Variants in TANC2 observed in about 807,000 individuals in gnomAD.
TANC2 encodes the protein tetratricopeptide repeat, ankyrin repeat and coiled-coil containing 2.
A neutral mutation model predicts 210.5 loss-of-function variants in TANC2; 26 were observed. The observed-to-expected ratio is 0.12, with a 90% CI of 0.09 to 0.17. The LOEUF (loss-of-function observed/expected upper bound fraction) is 0.17. Among genes scored for constraint, TANC2 ranks in the 10% least tolerant of loss-of-function variants. The pLI, the probability that TANC2 is intolerant of heterozygous loss-of-function variation, is 1.00. For missense variants in TANC2, 2,129 were observed against 2,608.9 expected (o/e 0.82, Z 4.01); for synonymous variants, 931 against 967.1 (o/e 0.96, Z 0.69).
At chr17:63,016,870 C>T (rs2034133128) in intron 2 of TANC2, among the ~76,000 whole-genome samples, 1 of 151,946 alleles carries the variant, frequency 6.6e-6, no homozygotes, top group Non-Finnish European at 1.5e-5. Context: ...TGTTCTAGTC[C>T]CTTACCTATT....
At chr17:63,175,200 G>C (rs917621607) in intron 5 of TANC2, among the ~76,000 whole-genome samples, 2 of 152,068 alleles carry the variant, frequency 1.3e-5, no homozygotes, top group African/African-American at 4.8e-5. Context: ...AAAGTTAAAG[G>C]ACTTATTTTT....
At chr17:63,139,870 C>T (rs2039224286) in intron 4 of TANC2, among the ~76,000 whole-genome samples, 1 of 152,186 alleles carries the variant, frequency 6.6e-6, no homozygotes, top group African/African-American at 2.4e-5. Context: ...CACTACTGCA[C>T]TTCAGCCAGG....
At chr17:63,405,458 G>T (rs1039823712) in intron 20 of TANC2, among the ~76,000 whole-genome samples, 2 of 152,232 alleles carry the variant, frequency 1.3e-5, no homozygotes, top group South Asian at 4.1e-4. Context: ...GATACAGATT[G>T]TATAGAAGGA....
At chr17:63,086,986 C>CG (rs2036993235) in intron 3 of TANC2, among the ~76,000 whole-genome samples, 1 of 152,206 alleles carries the variant, frequency 6.6e-6, no homozygotes, top group African/African-American at 2.4e-5. Context: ...CAGCCTGCAG[C>CG]GGCAACTCAC....
At chr17:63,116,927 A>T (rs146260627) in intron 4 of TANC2, 2 of 152,212 alleles carry the variant, frequency 1.3e-5, no homozygotes, top group African/African-American at 4.8e-5. Flanking sequence ...GTTGGTGCCT[A>T]CTAAGTAACT....
chr17:63,420,216 G>C lies in TANC2; in HGVS notation c.4486G>C (p.Glu1496Gln). ...CATATACTCTGTACAGGATATATTC[G>C]AGGAGGAGTACCTGGAACAGGATGT... The change falls in exon 28 of 28, where the codon GAG becomes CAG. Residue 1496 changes from glutamate to glutamine, a missense_variant. Physicochemically the swap from Glu to Gln is conservative, Grantham distance 29. Transcript: ENST00000689528. The surrounding 1 kb of genome is among the most constrained non-coding windows in gnomAD (Gnocchi z 4.2). 2 of 1,609,758 alleles carry C rather than the reference G, an allele frequency of 1.2e-6. No individual in the cohort carries two copies. Among genetic ancestry groups the C allele is most frequent in the South Asian group, 2.2e-5 (2 of 90,370 alleles).
At chr17:63,378,993 A>G (rs557579167) in intron 14 of TANC2, among the ~76,000 whole-genome samples, 21 of 152,314 alleles carry the variant, frequency 1.4e-4, no homozygotes, top group Middle Eastern at 6.8e-3. Context: ...CTAAATAAAG[A>G]AAAAGATACA....
chr17:63,356,783 A>G (rs2046793883), intron 14 of TANC2, among the ~76,000 whole-genome samples: 2 of 152,360 alleles, frequency 1.3e-5, no homozygotes, highest in African/African-American at 2.4e-5. Context: ...TCTTATCTAC[A>G]TAAGAGCAAT....
chr17:63,073,203 A>G (rs972714608), intron 2 of TANC2, among the ~76,000 whole-genome samples: 1 of 152,076 alleles, frequency 6.6e-6, no homozygotes, highest in African/African-American at 2.4e-5. Flanking sequence ...TATACTTTAC[A>G]TTCTTAATAT....
In TANC2 at chr17:63,200,723, T is replaced by C. The variant is rs776911277; in HGVS notation, c.583-48T>C. On this transcript the variant is annotated intron_variant, in intron 6 of 27. Coordinates refer to ENST00000689528, the Ensembl canonical transcript of TANC2. ...ATTTATTTTATCTTAAAATATACTT[T>C]AACAGCTGATCAGGTTATCTTACTT... is the stretch of plus-strand genomic sequence containing the variant. The C allele has an allele frequency of 6.7e-6, 10 of 1,501,098 alleles. No homozygotes were observed. In the Admixed American group the frequency reaches 1.8e-4, roughly 27 times the overall value. The allele number at this position is 1,501,098 out of a possible 1,614,324, so 93.0% of individuals were successfully genotyped here.
chr17:63,137,024 G>C (rs989728980), intron 4 of TANC2, among the ~76,000 whole-genome samples: 3 of 152,174 alleles, frequency 2.0e-5, no homozygotes, highest in African/African-American at 4.8e-5. Flanking sequence ...GAGACTCCAC[G>C]AGGCTAAAGA....
chr17:63,267,299 C>G (rs1261427383), intron 8 of TANC2, among the ~76,000 whole-genome samples: 1 of 152,096 alleles, frequency 6.6e-6, no homozygotes, highest in East Asian at 1.9e-4. Context: ...TTGTTACTGT[C>G]TCTGCAGCTT....
exon 28 of TANC2, chr17:63,423,290 TAGAC>T (rs1332599464): frequency 6.6e-6 from 1 of 152,178 alleles, no homozygotes; most frequent in African/African-American, 2.4e-5. Context: ...GGGCATGAGA[TAGAC>T]AGCAAGCTTC....
chr17:63,041,148 T>C (rs1185608971), intron 2 of TANC2, among the ~76,000 whole-genome samples: 1 of 152,070 alleles, frequency 6.6e-6, no homozygotes, highest in Non-Finnish European at 1.5e-5. Flanking sequence ...CAGAAACTCC[T>C]TTTTTATAGC....
intron 3 of TANC2, among the ~76,000 whole-genome samples, chr17:63,078,047 G>A (rs1020447918): frequency 6.6e-6 from 1 of 152,088 alleles, no homozygotes; most frequent in Non-Finnish European, 1.5e-5. Flanking sequence ...TTCAACTTCA[G>A]TTTCCTCCTC....
At chr17:63,377,591 A>G (rs755627828) in intron 14 of TANC2, among the ~76,000 whole-genome samples, 1 of 152,170 alleles carries the variant, frequency 6.6e-6, no homozygotes, top group Non-Finnish European at 1.5e-5. Flanking sequence ...ATTTTGGTCA[A>G]AGCCATTCAA....
At chr17:63,025,360 G>A (rs886987924) in intron 2 of TANC2, among the ~76,000 whole-genome samples, 3 of 152,128 alleles carry the variant, frequency 2.0e-5, no homozygotes, top group African/African-American at 4.8e-5. Context: ...GGTTGTGGAC[G>A]CCTTCTTCAT....
At chr17:63,379,462 G>A (rs1414649975) in intron 14 of TANC2, among the ~76,000 whole-genome samples, 1 of 152,160 alleles carries the variant, frequency 6.6e-6, no homozygotes, top group African/African-American at 2.4e-5. Context: ...CTGAGGTCAG[G>A]AGTTCGAGAC....
chr17:63,385,354 G>A (rs922821759), intron 15 of TANC2, among the ~76,000 whole-genome samples: 7 of 152,166 alleles, frequency 4.6e-5, no homozygotes, highest in African/African-American at 1.7e-4. Flanking sequence ...AGGAGATTGA[G>A]GCCCAAGTGG....
Sources: gnomAD v4.1 joint callset for allele counts (sites outside exome capture counted in the v4.1 genomes callset) on GRCh38, gnomAD v4.1.1 for gene constraint, Gnocchi (gnomAD v3.1) non-coding constraint, MANE v1.5 for transcripts, NCBI Gene and HGNC (gene_info 2026-07-23, HGNC 2026-07-21) for gene names.